The following GALNT16 variants were observed in gnomAD, a reference collection of about 807,000 sequenced individuals.
The protein encoded by GALNT16 is UDP-GalNAc:polypeptide N-acetylgalactosaminyltransferase-like protein 1.
Under a neutral mutation model 76.1 loss-of-function variants are expected in GALNT16, and 40 were observed. The ratio of observed to expected loss-of-function variants is 0.53; its 90% CI spans 0.41 to 0.68. GALNT16 has a LOEUF of 0.68. Among genes scored for constraint, GALNT16 ranks in the 30% least tolerant of loss-of-function variants. GALNT16 has a pLI of 0.00. For synonymous variants in GALNT16, 276 were observed against 285.2 expected (o/e 0.97, Z 0.32); for missense variants, 621 against 731.9 (o/e 0.85, Z 1.75).
chr14:69,310,743 G>T (rs1178698100), intron 1 of GALNT16, among the ~76,000 whole-genome samples: 3 of 152,000 alleles, frequency 2.0e-5, no homozygotes, highest in African/African-American at 7.3e-5. Flanking sequence ...AATCAAAAGG[G>T]TTTTTTCTGT....
chr14:69,365,446 C>T, the GALNT16 span, among the ~76,000 whole-genome samples: 1 of 152,096 alleles, frequency 6.6e-6, no homozygotes, highest in Non-Finnish European at 1.5e-5. Context: ...CTAATTGATA[C>T]AAAGGAACGA....
At chr14:69,327,609 G>C (rs1471209908) in intron 5 of GALNT16, among the ~76,000 whole-genome samples, 1 of 152,218 alleles carries the variant, frequency 6.6e-6, no homozygotes, top group African/African-American at 2.4e-5. Context: ...TGGCGGGCTG[G>C]TAGGCAGCTA....
the GALNT16 span, among the ~76,000 whole-genome samples, chr14:69,384,065 T>C: frequency 2.6e-5 from 4 of 152,202 alleles, no homozygotes; most frequent in Non-Finnish European, 5.9e-5. Flanking sequence ...ATCATTAACA[T>C]GTCACTTGTA....
At chr14:69,341,238 C>A (rs566226067) in intron 11 of GALNT16, among the ~76,000 whole-genome samples, 1 of 152,124 alleles carries the variant, frequency 6.6e-6, no homozygotes, top group Admixed American at 6.6e-5. Flanking sequence ...GTGAGGATGG[C>A]GGTGTCCCAA....
At chr14:69,326,487 A>G (rs913622867) in intron 5 of GALNT16, among the ~76,000 whole-genome samples, 29 of 152,236 alleles carry the variant, frequency 1.9e-4, no homozygotes, top group African/African-American at 6.0e-4. Context: ...GAGCTACTAC[A>G]TAGCCAAGGG....
At chr14:69,314,762 AG>A (rs2045076980) in intron 1 of GALNT16, among the ~76,000 whole-genome samples, 1 of 152,202 alleles carries the variant, frequency 6.6e-6, no homozygotes, top group Non-Finnish European at 1.5e-5. Flanking sequence ...TTTTACTCCC[AG>A]GGGAGTGGGG....
At chr14:69,381,846 G>A in the GALNT16 span, among the ~76,000 whole-genome samples, 1 of 152,076 alleles carries the variant, frequency 6.6e-6, no homozygotes, top group Non-Finnish European at 1.5e-5. Context: ...GTGCCACCAC[G>A]TCCAGCTAAT....
intron 1 of GALNT16, among the ~76,000 whole-genome samples, chr14:69,284,781 T>G (rs1411465308): frequency 6.6e-6 from 1 of 152,216 alleles, no homozygotes; most frequent in South Asian, 2.1e-4. Flanking sequence ...GGGAGGGACC[T>G]GGTGGGAGGT....
At chr14:69,287,304 G>A (rs181996785) in intron 1 of GALNT16, among the ~76,000 whole-genome samples, 63 of 152,344 alleles carry the variant, frequency 4.1e-4, no homozygotes, top group African/African-American at 1.4e-3. Flanking sequence ...GGAGCCTCAG[G>A]TCTGGTTGCT....
intron 11 of GALNT16, among the ~76,000 whole-genome samples, chr14:69,341,313 G>T (rs908096635): frequency 3.3e-5 from 5 of 152,202 alleles, no homozygotes; most frequent in African/African-American, 1.2e-4. Flanking sequence ...TCTTCCTGCT[G>T]TTAGACCTTC....
At chr14:69,339,043 A>G (rs2140188233) in intron 10 of GALNT16, among the ~76,000 whole-genome samples, 1 of 152,012 alleles carries the variant, frequency 6.6e-6, no homozygotes, top group South Asian at 2.1e-4. Flanking sequence ...TCCCCAACTA[A>G]GCCATGCTCT....
chr14:69,338,561 G>A (rs2045443309), intron 9 of GALNT16, 90 bp from the exon 10 acceptor site: 1 of 1,560,218 alleles, frequency 6.4e-7, no homozygotes, highest in Non-Finnish European at 8.7e-7. Context: ...TACCTCCAGT[G>A]AGACACCAAA....
At position 69,325,364 on chromosome 14, in the gene GALNT16, G is replaced by T; in HGVS notation, c.462G>T (p.Leu154Phe). ...KSVLNRTPAN[L>F]IQEIILVDDF... is the part of the protein sequence containing the mutation. The stretch of plus-strand genomic sequence containing the variant: ...TCCTGAACCGAACTCCTGCCAACTT[G>T]ATCCAGGAGATCATTTTAGTGGATG... Residue 154 changes from leucine to phenylalanine, a missense_variant, in exon 4 of 15, where the codon TTG (leucine) becomes TTT (phenylalanine). By Grantham distance (22) the Leu-to-Phe change is conservative. Coordinates refer to ENST00000448469, the MANE Select transcript of GALNT16 (RefSeq NM_001168368.2). The T allele has an allele frequency of 1.2e-6, 2 of 1,603,800 alleles. No homozygotes were observed. The highest frequency in any genetic ancestry group is 2.2e-5 in the South Asian group (2 of 90,850).
chr14:69,267,169 A>G (rs1000175250), intron 1 of GALNT16, among the ~76,000 whole-genome samples: 1 of 152,314 alleles, frequency 6.6e-6, no homozygotes, highest in African/African-American at 2.4e-5. Context: ...CTTATGGAGA[A>G]GCCACAGCCC....
chr14:69,378,386 CA>C, the GALNT16 span, among the ~76,000 whole-genome samples: 2 of 152,132 alleles, frequency 1.3e-5, no homozygotes, highest in African/African-American at 4.8e-5. Flanking sequence ...TATAAAATAT[CA>C]CTTAATAAGC....
rs1233238402 is a variant in GALNT16 at position 69,352,878 on chromosome 14, G to C, written c.*710G>C. Among the ~76,000 whole-genome samples the C allele has an allele frequency of 6.6e-6, 1 of 152,230 alleles. No individual in the cohort carries two copies. Among genetic ancestry groups the C allele is most frequent in the Non-Finnish European group, 1.5e-5 (1 of 68,032 alleles). On this transcript the variant is annotated 3_prime_UTR_variant, in exon 15 of 15. Transcript: ENST00000448469. ...CCACACTTTACCAGCCCCAGGGTCTGAGCCCGACGCTGCCTCTTCCGGTCC... is the reference window on the plus strand; with the variant it reads ...CCACACTTTACCAGCCCCAGGGTCTCAGCCCGACGCTGCCTCTTCCGGTCC...
chr14:69,337,976 C>A (rs1057391819), intron 9 of GALNT16, among the ~76,000 whole-genome samples: 2 of 152,318 alleles, frequency 1.3e-5, no homozygotes, highest in South Asian at 4.2e-4. Flanking sequence ...GGGTCCTTAC[C>A]ATAAATGGCA....
chr14:69,372,383 T>C, the GALNT16 span, among the ~76,000 whole-genome samples: 37 of 152,172 alleles, frequency 2.4e-4, no homozygotes, highest in Middle Eastern at 3.4e-3. Context: ...AATCCCAATA[T>C]CTACACTGGT....
In GALNT16 at chr14:69,260,403, G is replaced by A. The variant is rs1245161409; in HGVS notation, c.113G>A (p.Arg38Gln). ...NRAHAASSGGRGAQRAGRRSE... is the reference protein window; with the variant it reads ...NRAHAASSGGQGAQRAGRRSE... ...GCCCACGCAGCATCCTCCGGCGGCC[G>A]GGGCGCGCAGAGGGCAGGCAGGAGG... Residue 38 changes from arginine to glutamine, a missense_variant, in exon 1 of 15, where the codon CGG becomes CAG. Physicochemically the swap from Arg to Gln is conservative, Grantham distance 43. Transcript: ENST00000448469. 5.7e-5 allele frequency: 92 copies of A among 1,603,810 alleles called. No individual in the cohort carries two copies. Among genetic ancestry groups the A allele is most frequent in the Non-Finnish European group, 7.7e-5 (91 of 1,175,060 alleles).
Sources: gnomAD v4.1 joint callset for allele counts (sites outside exome capture counted in the v4.1 genomes callset) on GRCh38, gnomAD v4.1.1 for gene constraint, MANE v1.5 for transcripts, NCBI Gene and HGNC (gene_info 2026-07-23, HGNC 2026-07-21) for gene names.